SMG5: variants seen among roughly 807,000 people sequenced by gnomAD.
SMG5 encodes nonsense-mediated mRNA decay factor SMG5.
A neutral mutation model predicts 122.9 loss-of-function variants in SMG5; 53 were observed. That is an observed-to-expected ratio of 0.43 (90% CI 0.35 to 0.54). The LOEUF is 0.54. SMG5 is among the 20% of genes least tolerant of loss of function. SMG5 has a pLI of 0.01. For missense variants in SMG5, 1,153 were observed against 1,285.6 expected, an observed-to-expected ratio of 0.90 and a Z score of 1.58; for synonymous variants, 477 against 490.2, an observed-to-expected ratio of 0.97 and a Z score of 0.35.
At chr1:156,272,494 G>T (rs1262720025) in intron 6 of SMG5, 96 bp from the exon 7 acceptor site, 2 of 966,392 alleles carry the variant, frequency 2.1e-6, no homozygotes, top group Non-Finnish European at 3.2e-6. Context: ...CCTGTAGGGA[G>T]AACAGCTGGG....
chr1:156,269,825 A>C (rs1260939773), intron 7 of SMG5, among the ~76,000 whole-genome samples: 2 of 152,192 alleles, frequency 1.3e-5, no homozygotes, highest in Non-Finnish European at 2.9e-5. Context: ...CAGCGAGCTG[A>C]GATCGCGCCA....
At chr1:156,277,827 T>C (rs1662751578) in intron 3 of SMG5, 98 bp downstream of exon 3, 1 of 1,528,196 alleles carries the variant, frequency 6.5e-7, no homozygotes, top group South Asian at 1.2e-5. Flanking sequence ...CTGCCATGTT[T>C]TCTTGGCTCC....
chr1:156,287,865 G>A, the SMG5 span, among the ~76,000 whole-genome samples: 3 of 151,780 alleles, frequency 2.0e-5, no homozygotes, highest in Admixed American at 6.6e-5. Flanking sequence ...TGATCTGCCC[G>A]CCTCAGCCTC....
At chr1:156,275,641 T>C (rs934641895) in intron 4 of SMG5, among the ~76,000 whole-genome samples, 4 of 152,228 alleles carry the variant, frequency 2.6e-5, no homozygotes, top group African/African-American at 7.2e-5. Flanking sequence ...TAATGTTTTA[T>C]AGACACTTCT....
chr1:156,260,706 A>G lies in SMG5; in HGVS notation c.2108-80T>C. The G allele has an allele frequency of 4.6e-6, 6 of 1,301,932 alleles. No individual in the cohort carries two copies. In the South Asian group the frequency reaches 1.1e-4, roughly 23 times the overall value. The allele number at this position is 1,301,932 out of a possible 1,614,324, so 80.6% of individuals were successfully genotyped here. A position where few individuals can be genotyped will look rare whatever the true frequency, so the allele number is the denominator to read the frequency against. ...AGAGACATAACCCTTCCCTTTGGGA[A>G]TTATCAGGCTGATGAGATGATGAGG... On this transcript the variant is annotated intron_variant, in intron 14 of 21. Transcript: ENST00000361813.
chr1:156,267,489 C>A lies in SMG5; in HGVS notation c.1098G>T (p.Val366=), dbSNP rs1662202431. ...FQMVIICLMC[V]HSLERAGSKQ... is the part of the protein sequence containing the mutation. ...GGTTACCTGCTCTCTCCAAGCTGTGCACACACATAAGGCAGATGATGACCA... is the reference window on the plus strand; with the variant it reads ...GGTTACCTGCTCTCTCCAAGCTGTGAACACACATAAGGCAGATGATGACCA... Residue 366 remains valine, a synonymous_variant, in exon 10 of 22, where the codon GTG becomes GTT. Transcript: ENST00000361813. 1.2e-6 allele frequency: 2 copies of A among 1,614,118 alleles called. No homozygotes were observed. The highest frequency in any genetic ancestry group is 1.7e-6 in the Non-Finnish European group (2 of 1,179,986).
At chr1:156,281,358 A>G (rs1662926025) in intron 1 of SMG5, among the ~76,000 whole-genome samples, 1 of 152,208 alleles carries the variant, frequency 6.6e-6, no homozygotes, top group Non-Finnish European at 1.5e-5. Flanking sequence ...AATATTGCAG[A>G]CACTGCCCAC....
At chr1:156,278,714 G>A (rs1419640766) in intron 2 of SMG5, among the ~76,000 whole-genome samples, 1 of 152,108 alleles carries the variant, frequency 6.6e-6, no homozygotes, top group African/African-American at 2.4e-5. Context: ...TTTAGATGTA[G>A]AGACTGTGCT....
chr1:156,278,072 G>T, intron 2 of SMG5, 24 bp from the exon 3 acceptor site: 1 of 1,612,898 alleles, frequency 6.2e-7, no homozygotes, highest in South Asian at 1.1e-5. Context: ...AGGAGCATGA[G>T]AGAGACAGCC....
the SMG5 span, among the ~76,000 whole-genome samples, chr1:156,288,433 C>G: frequency 6.6e-6 from 1 of 151,616 alleles, no homozygotes. Flanking sequence ...TCTCCAGGCT[C>G]AAGCAGTTTT....
At chr1:156,264,936 G>C (rs1422341017) in intron 12 of SMG5, among the ~76,000 whole-genome samples, 1 of 151,722 alleles carries the variant, frequency 6.6e-6, no homozygotes, top group East Asian at 1.9e-4. Context: ...TGAGGCAGAA[G>C]AATCACTTCA....
chr1:156,260,690 A>G (rs1224526036), intron 14 of SMG5, 64 bp from the exon 15 acceptor site: 20 of 1,390,892 alleles, frequency 1.4e-5, no homozygotes, highest in Non-Finnish European at 2.8e-6. Flanking sequence ...GAGAGACATA[A>G]CCCTTCCCTT....
chr1:156,268,255 A>G (rs772608826), intron 8 of SMG5, 35 bp downstream of exon 8: 1 of 1,614,142 alleles, frequency 6.2e-7, no homozygotes, highest in Non-Finnish European at 8.5e-7. Context: ...CACCAACTGC[A>G]GAAAAAACCC....
At chr1:156,258,931 C>A in intron 16 of SMG5, 74 bp downstream of exon 16, 10 of 1,579,546 alleles carry the variant, frequency 6.3e-6, no homozygotes, top group Non-Finnish European at 6.9e-6. Flanking sequence ...ACCAGAGGGT[C>A]TGAGCCTCTT....
chr1:156,285,715 G>C, upstream of SMG5: 2 of 1,613,246 alleles, frequency 1.2e-6, no homozygotes, highest in Non-Finnish European at 1.7e-6. Flanking sequence ...TGCCCCCCCG[G>C]GTCACCCACC....
At chr1:156,266,773 C>A in intron 10 of SMG5, 95 bp from the exon 11 acceptor site, 1 of 1,349,894 alleles carries the variant, frequency 7.4e-7, no homozygotes, top group Non-Finnish European at 1.0e-6. Flanking sequence ...CTCAACTCTT[C>A]CAAGGATCCA....
In SMG5 at chr1:156,250,469, CTCCT is replaced by C. The variant is rs1385909150; in HGVS notation, c.*114_*117del. On this transcript the variant is annotated 3_prime_UTR_variant, in exon 22 of 22. Coordinates refer to ENST00000361813, the MANE Select transcript of SMG5 (RefSeq NM_015327.3). The stretch of plus-strand genomic sequence containing the variant: ...GCAGCCTCTGAGCAGCTAGGCCTCC[CTCCT>C]GTGTGCGTGCATGAGTCTGCGTGTG... 9 of 898,864 alleles carry C rather than the reference CTCCT, an allele frequency of 1.0e-5. No homozygotes were observed. The East Asian group carries it at 2.2e-4, about 22-fold the overall frequency. 55.7% of individuals were successfully genotyped at this position (898,864 alleles called of 1,614,324 possible). A position where few individuals can be genotyped will look rare whatever the true frequency, so the allele number is the denominator to read the frequency against.
intron 17 of SMG5, 83 bp downstream of exon 17, chr1:156,253,366 A>G (rs1661438445): frequency 7.1e-7 from 1 of 1,399,168 alleles, no homozygotes; most frequent in African/African-American, 1.4e-5. Context: ...GGGGGACTAC[A>G]GCGGAAGGGG....
At chr1:156,270,067 G>A (rs966842164) in intron 7 of SMG5, among the ~76,000 whole-genome samples, 1 of 141,834 alleles carries the variant, frequency 7.1e-6, no homozygotes, top group African/African-American at 2.4e-5. Context: ...AAAACCCAAT[G>A]ACCTTAACAC....
Sources: gnomAD v4.1 joint callset for allele counts (sites outside exome capture counted in the v4.1 genomes callset) on GRCh38, gnomAD v4.1.1 for gene constraint, MANE v1.5 for transcripts, NCBI Gene and HGNC (gene_info 2026-07-23, HGNC 2026-07-21) for gene names.